MGLL: variants seen among roughly 807,000 people sequenced by gnomAD.
MGLL encodes the protein lysophospholipase homolog.
MGLL carries 7 observed loss-of-function variants against 29.1 expected under a neutral mutation model. The ratio of observed to expected loss-of-function variants is 0.24; its 90% confidence interval spans 0.14 to 0.45. The LOEUF (loss-of-function observed/expected upper bound fraction) is 0.45. Ranked by LOEUF, MGLL falls within the 20% of genes least tolerant of loss-of-function variation. MGLL has a pLI of 0.99. For synonymous variants in MGLL, 148 were observed against 168.3 expected (o/e 0.88, Z 0.93); for missense variants, 356 against 413.6 (o/e 0.86, Z 1.21).
chr3:127,721,514 T>TTTTG (rs2075923431), intron 4 of MGLL, among the ~76,000 whole-genome samples: 1 of 149,486 alleles, frequency 6.7e-6, no homozygotes, highest in Non-Finnish European at 1.5e-5. Context: ...AGGGTTTTTT[T>TTTTG]TTTTTTTTTT....
intron 2 of MGLL, among the ~76,000 whole-genome samples, chr3:127,804,295 A>G (rs1195606878): frequency 6.6e-6 from 1 of 152,164 alleles, no homozygotes; most frequent in Non-Finnish European, 1.5e-5. Context: ...GCCGGCAGTG[A>G]GCAGAGGGTT....
At chr3:127,818,412 G>A (rs1436954494) in intron 2 of MGLL, among the ~76,000 whole-genome samples, 9 of 148,938 alleles carry the variant, frequency 6.0e-5, no homozygotes, top group Non-Finnish European at 7.4e-5. Context: ...ATTTCAACAC[G>A]TTGCCCAGGC....
At chr3:127,736,183 T>C (rs1436683575) in intron 3 of MGLL, 1 of 968,888 alleles carries the variant, frequency 1.0e-6, no homozygotes, top group African/African-American at 3.6e-5. Context: ...TCTGCTGAAA[T>C]TATTGTTAAG....
At chr3:127,822,245 A>G (rs914017304) in intron 1 of MGLL, 64 bp downstream of exon 1, 17 of 1,550,840 alleles carry the variant, frequency 1.1e-5, no homozygotes, top group Non-Finnish European at 1.3e-5. Context: ...AGTGGGCACA[A>G]TAATGAGGTG....
chr3:127,748,337 T>C (rs1421590137), intron 3 of MGLL, among the ~76,000 whole-genome samples: 1 of 150,426 alleles, frequency 6.6e-6, no homozygotes, highest in Non-Finnish European at 1.5e-5. Flanking sequence ...TCCTTGATCA[T>C]TCCCCAGAGA....
chr3:127,793,754 G>A (rs1442074009), intron 2 of MGLL, among the ~76,000 whole-genome samples: 1 of 152,030 alleles, frequency 6.6e-6, no homozygotes, highest in Admixed American at 6.6e-5. Context: ...TACAGACGGG[G>A]TTTCACCATG....
intron 2 of MGLL, among the ~76,000 whole-genome samples, chr3:127,800,971 G>A (rs978303674): frequency 2.5e-4 from 38 of 151,716 alleles, no homozygotes; most frequent in African/African-American, 7.5e-4. Context: ...GAGAGAGTAC[G>A]TATAGTCAGA....
intron 3 of MGLL, among the ~76,000 whole-genome samples, chr3:127,739,299 C>T (rs1470858388): frequency 6.6e-6 from 1 of 152,182 alleles, no homozygotes; most frequent in East Asian, 1.9e-4. Flanking sequence ...AAGTCCCCAC[C>T]TCTCTGGCTT....
intron 2 of MGLL, among the ~76,000 whole-genome samples, chr3:127,785,196 C>T (rs73862347): frequency 1.3e-3 from 201 of 152,282 alleles, no homozygotes; most frequent in African/African-American, 4.6e-3. Context: ...CTTCCCCCCT[C>T]CTTCCCCACA....
intron 2 of MGLL, among the ~76,000 whole-genome samples, chr3:127,797,988 G>A: frequency 6.6e-6 from 1 of 152,182 alleles, no homozygotes; most frequent in East Asian, 1.9e-4. Context: ...ACTTTGCCCA[G>A]GTTGATGTCA....
chr3:127,725,207 G>T (rs532623787), intron 3 of MGLL, among the ~76,000 whole-genome samples: 14 of 152,258 alleles, frequency 9.2e-5, no homozygotes, highest in African/African-American at 3.4e-4. Context: ...TTGTCATGGG[G>T]TGCACTGGAA....
chr3:127,759,681 T>C (rs1242083105), intron 3 of MGLL, among the ~76,000 whole-genome samples: 1 of 152,202 alleles, frequency 6.6e-6, no homozygotes, highest in East Asian at 1.9e-4. Context: ...CTTCAGAGAC[T>C]CTTGGTTCTC....
At position 127,781,784 on chromosome 3, in the gene MGLL, C is replaced by G; in HGVS notation, c.262+5G>C. 1 of 1,614,070 alleles carries G rather than the reference C, an allele frequency of 6.2e-7. No homozygotes were observed. ...CCAGCTCTGACGGCACCCTGGGACACTCACCATGGTCGTGGGCGAACACCA... is the reference window on the plus strand; with the variant it reads ...CCAGCTCTGACGGCACCCTGGGACAGTCACCATGGTCGTGGGCGAACACCA... On this transcript the variant is annotated splice_donor_5th_base_variant and intron_variant, in intron 3 of 7. Coordinates refer to ENST00000265052, the MANE Select transcript of MGLL (RefSeq NM_007283.7).
intron 3 of MGLL, among the ~76,000 whole-genome samples, chr3:127,751,489 G>C (rs1409827297): frequency 6.6e-6 from 1 of 151,730 alleles, no homozygotes. Flanking sequence ...CACCTCTCTT[G>C]CATCTGTCAC....
chr3:127,734,139 G>C (rs934490158), intron 3 of MGLL, among the ~76,000 whole-genome samples: 1 of 152,230 alleles, frequency 6.6e-6, no homozygotes, highest in African/African-American at 2.4e-5. Flanking sequence ...GGGATCCATG[G>C]CTGCCTTGAT....
intron 7 of MGLL, among the ~76,000 whole-genome samples, chr3:127,693,058 C>T (rs950939331): frequency 5.9e-5 from 9 of 152,156 alleles, no homozygotes; most frequent in South Asian, 2.1e-4. Context: ...TCTAGACTGC[C>T]GACCTGCCAT....
intron 2 of MGLL, among the ~76,000 whole-genome samples, chr3:127,795,605 C>A (rs1388215966): frequency 1.3e-5 from 2 of 152,076 alleles, no homozygotes; most frequent in Non-Finnish European, 2.9e-5. Context: ...GCTGTCCAGA[C>A]CTTTCAGCCC....
At chr3:127,732,607 C>T (rs1355570334) in intron 3 of MGLL, among the ~76,000 whole-genome samples, 4 of 152,212 alleles carry the variant, frequency 2.6e-5, no homozygotes, top group Admixed American at 6.5e-5. Flanking sequence ...AGCTGCTCAC[C>T]CCAGGTGAGT....
intron 6 of MGLL, among the ~76,000 whole-genome samples, chr3:127,701,898 G>A (rs1163538340): frequency 6.6e-6 from 1 of 152,138 alleles, no homozygotes; most frequent in Non-Finnish European, 1.5e-5. Context: ...TCCTCCTGTG[G>A]ACAGGTGCCC....
Sources: allele counts gnomAD v4.1 joint callset (sites outside exome capture counted in the v4.1 genomes callset), GRCh38; gene constraint gnomAD v4.1.1; transcripts MANE v1.5; gene names NCBI Gene and HGNC (gene_info 2026-07-23, HGNC 2026-07-21).